Variants in SPATA20 observed in about 807,000 individuals in gnomAD.
SPATA20 encodes spermatogenesis-associated protein 20.
In SPATA20, 74 loss-of-function variants were observed where a neutral mutation model predicts 98.9. The ratio of observed to expected loss-of-function variants is 0.75; its 90% confidence interval spans 0.62 to 0.91. The LOEUF (loss-of-function observed/expected upper bound fraction) is 0.91. Among genes scored for constraint, SPATA20 ranks in the 40% least tolerant of loss-of-function variants. The pLI is 0.00. For missense variants in SPATA20, 1,016 were observed against 1,069.8 expected (o/e 0.95, Z 0.70); for synonymous variants, 430 against 440.5 (o/e 0.98, Z 0.30).
intron 15 of SPATA20, among the ~76,000 whole-genome samples, 174 bp from the exon 16 acceptor site, chr17:50,555,056 AGT>A (rs897396741): frequency 6.7e-6 from 1 of 149,440 alleles, no homozygotes; most frequent in African/African-American, 2.5e-5. Flanking sequence ...CTCATGTGTG[AGT>A]GTGTGTGTGT....
chr17:50,547,449 T>C, intron 1 of SPATA20, 164 bp downstream of exon 1: 1 of 640,118 alleles, frequency 1.6e-6, no homozygotes, highest in East Asian at 2.7e-5. Flanking sequence ...TGGCTCTGGC[T>C]GTAAGGCCCT....
intron 14 of SPATA20, among the ~76,000 whole-genome samples, chr17:50,552,952 A>G (rs2035039229): frequency 6.6e-6 from 1 of 152,244 alleles, no homozygotes; most frequent in Admixed American, 6.5e-5. Flanking sequence ...TAGCACAGTA[A>G]CTGACACCCA....
chr17:50,548,290 T>C lies in SPATA20; in HGVS notation c.133T>C (p.Ser45Pro). 6.2e-7 allele frequency: 1 copy of C among 1,613,076 alleles called. No homozygotes were observed. The highest frequency in any genetic ancestry group is 8.5e-7 in the Non-Finnish European group (1 of 1,179,692). The change falls in exon 3 of 17, where the codon TCC (serine) becomes CCC (proline). Residue 45 changes from serine to proline, a missense_variant. Transcript: ENST00000006658. ...WPHRSPSRGS[S>P]SRDKDRSATV... ...TGCACCAGTCCTCGCCAGGGGTAGC[T>C]CCTCCCGGGACAAGGACCGAAGTGC...
intron 12 of SPATA20, 26 bp downstream of exon 12, chr17:50,551,216 C>A (rs749506186): frequency 3.1e-6 from 5 of 1,587,400 alleles, no homozygotes; most frequent in Admixed American, 3.4e-5. Context: ...TGAGACCGAG[C>A]CTGTCTGTAG....
Position 50,554,392 on chromosome 17 carries a change from C to T in SPATA20, c.2099C>T (p.Pro700Leu), listed in dbSNP as rs781267820. 184 of 1,613,818 alleles carry T rather than the reference C, an allele frequency of 1.1e-4. No individual in the cohort carries two copies. Among genetic ancestry groups the T allele is most frequent in the Middle Eastern group, 3.3e-4 (2 of 6,082 alleles). Residue 700 changes from proline (P) to leucine (L), a missense_variant, in exon 15 of 17, where the codon CCG (proline) becomes CTG (leucine). By Grantham distance (98) the Pro-to-Leu change is moderately conservative (BLOSUM62 -3). Transcript: ENST00000006658. ...TAFSERMRRVPVALPEMVRAL... is the reference protein window; with the variant it reads ...TAFSERMRRVLVALPEMVRAL... ...TTTTCCGAGCGCATGCGTCGTGTCC[C>T]GGTGGCGTTGCCCGAGATGGTCCGC...
In SPATA20 at chr17:50,554,309, G is replaced by T. The variant is rs1184204687; in HGVS notation, c.2016G>T (p.Leu672=). 1.2e-6 allele frequency: 2 copies of T among 1,614,204 alleles called. No individual in the cohort carries two copies. Among genetic ancestry groups the T allele is most frequent in the Non-Finnish European group, 1.7e-6 (2 of 1,180,034 alleles). ...NSVSAHNLLR[L]HGFTGHKDWM... is the part of the protein sequence containing the mutation. ...TGTCAGCCCACAACCTGCTCCGGCT[G>T]CATGGCTTCACGGGCCACAAGGACT... The change falls in exon 15 of 17, where the codon CTG becomes CTT. Residue 672 remains leucine, a synonymous_variant. Transcript: ENST00000006658.
rs780446169 is a variant in SPATA20 at position 50,555,717 on chromosome 17, G to C, written c.*55G>C. ...AGGTGAAGCATCCCAACTGACTAGA[G>C]ACTCAGGCCCTGCAGGGCCCTATAG... On this transcript the variant is annotated 3_prime_UTR_variant, in exon 17 of 17. Transcript: ENST00000006658. The C allele has an allele frequency of 3.8e-5, 59 of 1,533,394 alleles. No individual in the cohort carries two copies. Among genetic ancestry groups the C allele is most frequent in the Middle Eastern group, 1.9e-4 (1 of 5,210 alleles). 95.0% of individuals were successfully genotyped at this position (1,533,394 alleles called of 1,614,324 possible).
At chr17:50,548,998 A>C in intron 5 of SPATA20, 34 bp downstream of exon 5, 1 of 1,614,024 alleles carries the variant, frequency 6.2e-7, no homozygotes, top group Non-Finnish European at 8.5e-7. Context: ...TATGCGCCAC[A>C]TGGGCTCAGA....
At position 50,549,489 on chromosome 17, in the gene SPATA20, T is replaced by C; in HGVS notation, c.862+2T>C. ...AGGCCCCCAAGTTTCCCACGCCGGGTCAGTGCCCCACGCCCGCCTTAGCCC... is the reference window on the plus strand; with the variant it reads ...AGGCCCCCAAGTTTCCCACGCCGGGCCAGTGCCCCACGCCCGCCTTAGCCC... On this transcript the variant is annotated splice_donor_variant, in intron 7 of 16. Transcript: ENST00000006658. LOFTEE classifies it high-confidence loss of function. 2 of 1,610,720 alleles carry C rather than the reference T, an allele frequency of 1.2e-6. No homozygotes were observed. The highest frequency in any genetic ancestry group is 2.2e-5 in the East Asian group (1 of 44,852).
At position 50,549,978 on chromosome 17, in the gene SPATA20, C is replaced by A. The variant is rs1184020197; in HGVS notation, c.863-7C>A. 1.9e-6 allele frequency: 3 copies of A among 1,539,028 alleles called. No homozygotes were observed. ...CTCTCACCTGCATGTTCTTGGTGCC[C>A]CCACAGTGATCCTGAGCTTCCTGTT... On this transcript the variant is annotated splice_polypyrimidine_tract_variant and splice_region_variant and intron_variant, in intron 7 of 16. Coordinates refer to ENST00000006658, the MANE Select transcript of SPATA20 (RefSeq NM_022827.4).
At position 50,549,181 on chromosome 17, in the gene SPATA20, G is replaced by C; in HGVS notation, c.655G>C (p.Glu219Gln). The change falls in exon 6 of 17, where the codon GAA becomes CAA. Residue 219 changes from glutamate (E) to glutamine (Q), a missense_variant. Physicochemically the swap from Glu to Gln is conservative, Grantham distance 29. Coordinates refer to ENST00000006658, the MANE Select transcript of SPATA20 (RefSeq NM_022827.4). ...CCGCACAGTGTTGCTGAGAATACGA[G>C]AACAGGTGGGTGTGCCTCCGGGAGT... The part of the protein sequence containing the change: ...GFRTVLLRIR[E>Q]QWKQNKNTLL... 6.3e-7 allele frequency: 1 copy of C among 1,595,640 alleles called. No individual in the cohort carries two copies. Among genetic ancestry groups the C allele is most frequent in the Non-Finnish European group, 8.6e-7 (1 of 1,167,748 alleles).
intron 12 of SPATA20, 53 bp downstream of exon 12, chr17:50,551,243 G>A: frequency 1.3e-6 from 2 of 1,500,246 alleles, no homozygotes; most frequent in South Asian, 2.5e-5. Flanking sequence ...CCTTCACAAA[G>A]CCCCTGTCTT....
chr17:50,554,148 C>A, intron 14 of SPATA20, 103 bp from the exon 15 acceptor site: 2 of 1,048,306 alleles, frequency 1.9e-6, no homozygotes, highest in Non-Finnish European at 2.9e-6. Flanking sequence ...AGGGCCTTTT[C>A]TCTGTCCCGT....
At chr17:50,555,206 C>G (rs375319605) in intron 15 of SPATA20, 26 bp from the exon 16 acceptor site, 7 of 1,606,570 alleles carry the variant, frequency 4.4e-6, no homozygotes, top group African/African-American at 1.3e-5. Flanking sequence ...CCTGACACAC[C>G]GGAGTGACCT....
rs749551492 is a variant in SPATA20, at chr17:50,548,335, C to T, written c.178C>T (p.Pro60Ser). 6.8e-6 allele frequency: 11 copies of T among 1,613,686 alleles called. No individual in the cohort carries two copies. In the Admixed American group the frequency reaches 1.3e-4, roughly 20 times the overall value. ...DRSATVSSSV[P>S]MPAGGKGSHP... is the part of the protein sequence containing the mutation. ...AAGTGCGACGGTCAGTAGTTCAGTG[C>T]CCATGCCTGCTGGAGGGAAAGGAAG... is the stretch of plus-strand genomic sequence containing the variant. Residue 60 changes from proline to serine, a missense_variant, in exon 3 of 17, where the codon CCC becomes TCC. Pro to Ser is a moderately conservative substitution (Grantham distance 74). Coordinates refer to ENST00000006658, the MANE Select transcript of SPATA20 (RefSeq NM_022827.4).
rs1269847167 is a variant in SPATA20 at position 50,551,957 on chromosome 17, C to T, written c.1746-12C>T. 6.4e-7 allele frequency: 1 copy of T among 1,570,008 alleles called. No individual in the cohort carries two copies. Reference sequence around the variant, plus strand: ...GCTCTCCCCAGCCCCTCCCGTAATGCCTGTCCCCCAGCAACCCACCCTGCT... The same window carrying T: ...GCTCTCCCCAGCCCCTCCCGTAATGTCTGTCCCCCAGCAACCCACCCTGCT... On this transcript the variant is annotated splice_polypyrimidine_tract_variant and intron_variant, in intron 13 of 16. Transcript: ENST00000006658.
chr17:50,555,155 G>A (rs920115070), intron 15 of SPATA20, 77 bp from the exon 16 acceptor site: 1 of 1,170,098 alleles, frequency 8.5e-7, no homozygotes, highest in African/African-American at 1.5e-5. Context: ...GCGGAAGGAG[G>A]ATGGGGAAGC....
chr17:50,549,269 G>A lies in SPATA20; in HGVS notation c.661-17G>A. On this transcript the variant is annotated splice_polypyrimidine_tract_variant and intron_variant, in intron 6 of 16. Coordinates refer to ENST00000006658, the MANE Select transcript of SPATA20 (RefSeq NM_022827.4). ...CTCCCCCTAGCTGACCTCCAGGTGTGCCCCCACCTCCCGCAGTGGAAACAG... is the reference window on the plus strand; with the variant it reads ...CTCCCCCTAGCTGACCTCCAGGTGTACCCCCACCTCCCGCAGTGGAAACAG... The A allele has an allele frequency of 6.2e-7, 1 of 1,606,526 alleles. No individual in the cohort carries two copies. The highest frequency in any genetic ancestry group is 8.5e-7 in the Non-Finnish European group (1 of 1,174,928).
At position 50,550,715 on chromosome 17, in the gene SPATA20, G is replaced by C; in HGVS notation, c.1181G>C (p.Gly394Ala). Reference sequence around the variant, plus strand: ...ACTCTCCCCTCCCCACAGTCCGGAGGCTTCTATAGCGCAGAAGATGCAGAC... The same window carrying C: ...ACTCTCCCCTCCCCACAGTCCGGAGCCTTCTATAGCGCAGAAGATGCAGAC... Reference protein sequence around the residue: ...VARSLSHRSGGFYSAEDADSP... With the variant: ...VARSLSHRSGAFYSAEDADSP... Residue 394 changes from glycine to alanine, a missense_variant, in exon 11 of 17, where the codon GGC becomes GCC. By Grantham distance (60) the Gly-to-Ala change is moderately conservative (BLOSUM62 0). Transcript: ENST00000006658. 1 of 1,613,348 alleles carries C rather than the reference G, an allele frequency of 6.2e-7. No homozygotes were observed. The highest frequency in any genetic ancestry group is 8.5e-7 in the Non-Finnish European group (1 of 1,179,896).
Sources: allele counts gnomAD v4.1 joint callset (sites outside exome capture counted in the v4.1 genomes callset), GRCh38; gene constraint gnomAD v4.1.1; transcripts MANE v1.5; gene names NCBI Gene and HGNC (gene_info 2026-07-23, HGNC 2026-07-21).